Variants in ATAD2B observed in about 807,000 individuals in gnomAD.
The protein encoded by ATAD2B is ATPase family AAA domain containing 2B.
In ATAD2B, 40 loss-of-function variants were observed where a neutral mutation model predicts 167.6. The ratio of observed to expected loss-of-function variants is 0.24; its 90% confidence interval spans 0.19 to 0.31. The LOEUF is 0.31. Among genes scored for constraint, ATAD2B ranks in the 10% least tolerant of loss-of-function variants. ATAD2B has a pLI of 1.00. For synonymous variants in ATAD2B, 579 were observed against 596.5 expected (o/e 0.97, Z 0.43); for missense variants, 1,242 against 1,757.2 (o/e 0.71, Z 5.24).
chr2:23,740,600 G>A, the ATAD2B span, among the ~76,000 whole-genome samples: 2 of 152,080 alleles, frequency 1.3e-5, no homozygotes, highest in South Asian at 4.2e-4. Context: ...ATATCATACT[G>A]AATGGGCAAA....
chr2:23,716,444 G>C, the ATAD2B span, among the ~76,000 whole-genome samples: 14,144 of 151,306 alleles, frequency 0.093, 739 homozygotes, highest in Middle Eastern at 0.17. Flanking sequence ...TTTCATTGTT[G>C]TTGTTGTTGT....
intron 17 of ATAD2B, among the ~76,000 whole-genome samples, chr2:23,813,745 AAAAAT>A (rs897546373): frequency 6.6e-5 from 10 of 152,144 alleles, no homozygotes; most frequent in East Asian, 3.8e-4. Context: ...ACCTTGTCTC[AAAAAT>A]AAAATAAAAT....
intron 8 of ATAD2B, chr2:23,872,540 T>C (rs1026949471): frequency 1.0e-6 from 1 of 952,836 alleles, no homozygotes; most frequent in African/African-American, 1.6e-5. Context: ...TTGAGAGTCC[T>C]TCAGACTCTC....
At chr2:23,693,485 C>T in the ATAD2B span, 2 of 1,551,678 alleles carry the variant, frequency 1.3e-6, no homozygotes, top group Non-Finnish European at 1.7e-6. Context: ...GTGTACGAGA[C>T]AGTCATCAAG....
At chr2:23,919,213 T>C (rs1703530932) in intron 1 of ATAD2B, among the ~76,000 whole-genome samples, 1 of 151,270 alleles carries the variant, frequency 6.6e-6, no homozygotes, top group African/African-American at 2.4e-5. Flanking sequence ...AGATTGTCAA[T>C]GTGAAAATAA....
At chr2:23,894,735 A>C (rs1699970476) in intron 2 of ATAD2B, among the ~76,000 whole-genome samples, 1 of 152,320 alleles carries the variant, frequency 6.6e-6, no homozygotes, top group African/African-American at 2.4e-5. Flanking sequence ...GCAGTACTAA[A>C]GTAACATCAT....
chr2:23,876,841 G>C lies in ATAD2B; in HGVS notation c.902-937C>G, dbSNP rs1303854699. On this transcript the variant is annotated intron_variant, in intron 7 of 27. Transcript: ENST00000238789. ...CCAGCACTTTGGGAGGCCGAGGCAG[G>C]TGGATCACCTGAGGTCAGGAGTTCA... 5.3e-5 allele frequency among the ~76,000 whole-genome samples: 8 copies of C among 151,960 alleles called. No individual in the cohort carries two copies. The East Asian group carries it at 1.5e-3, about 29-fold the overall frequency.
intron 12 of ATAD2B, among the ~76,000 whole-genome samples, chr2:23,861,736 C>A (rs1172216693): frequency 6.6e-6 from 1 of 151,878 alleles, no homozygotes; most frequent in Non-Finnish European, 1.5e-5. Flanking sequence ...CAAGCCAATT[C>A]TTCCTTCATC....
At chr2:23,774,044 A>G (rs544886588) in intron 22 of ATAD2B, among the ~76,000 whole-genome samples, 1 of 152,332 alleles carries the variant, frequency 6.6e-6, no homozygotes, top group African/African-American at 2.4e-5. Flanking sequence ...TATGAAGAAA[A>G]AAAAATCCCA....
rs777041786 is a variant in ATAD2B, at chr2:23,762,338, C to T, written c.3265G>A (p.Val1089Ile). 5.6e-6 allele frequency: 9 copies of T among 1,611,748 alleles called. No homozygotes were observed. The Admixed American group carries it at 1.5e-4, about 27-fold the overall frequency. ...KEARIKRGLS[V>I]TSEQINPHST... Reference sequence around the variant, plus strand: ...TGAGGATTTATTTGTTCTGATGTTACTGATAAGCCTGCAAGCAGAAGATAA... The same window carrying T: ...TGAGGATTTATTTGTTCTGATGTTATTGATAAGCCTGCAAGCAGAAGATAA... The change falls in exon 24 of 28, where the codon GTA becomes ATA. Residue 1089 changes from valine to isoleucine, a missense_variant. Physicochemically the swap from Val to Ile is conservative, Grantham distance 29 (BLOSUM62 3). Around this residue, in one of 9 missense-constraint regions of ATAD2B, gnomAD observed 204 missense variants for 324.0 expected, o/e 0.63. Transcript: ENST00000238789.
At chr2:23,730,701 TACAACATGTCAAAATGTATGGAAC>T in the ATAD2B span, among the ~76,000 whole-genome samples, 8 of 65,186 alleles carry the variant, frequency 1.2e-4, no homozygotes, top group East Asian at 4.5e-4. Context: ...GGAAAGAAAA[TACAACATGTCAAAATGTATGGAAC>T]ACAACATGTC....
At chr2:23,835,177 C>A (rs964311385) in intron 13 of ATAD2B, among the ~76,000 whole-genome samples, 5 of 152,078 alleles carry the variant, frequency 3.3e-5, no homozygotes, top group African/African-American at 7.2e-5. Flanking sequence ...TAAGAGTTGC[C>A]AAATGATCCA....
intron 7 of ATAD2B, among the ~76,000 whole-genome samples, chr2:23,877,067 CAA>C (rs36018928): frequency 1.1e-4 from 12 of 109,100 alleles, no homozygotes; most frequent in Admixed American, 9.3e-5. Flanking sequence ...AACTCCATCT[CAA>C]AAAAAAAAAA....
intron 13 of ATAD2B, among the ~76,000 whole-genome samples, chr2:23,842,044 T>C (rs1348148490): frequency 6.6e-6 from 1 of 152,206 alleles, no homozygotes; most frequent in African/African-American, 2.4e-5. Context: ...CACATCATTA[T>C]ATTTTGTTTT....
chr2:23,896,479 T>C (rs1700169959), intron 1 of ATAD2B, among the ~76,000 whole-genome samples: 1 of 152,212 alleles, frequency 6.6e-6, no homozygotes, highest in Non-Finnish European at 1.5e-5. Flanking sequence ...ATATGTTGTT[T>C]CTTGTTTTTA....
chr2:23,777,309 T>C lies in ATAD2B; in HGVS notation c.3133+5560A>G, dbSNP rs186801409. Reference sequence around the variant, plus strand: ...ATATAGAATAATGCCTGCCACATAGTAGTTATCCGGTAGGCATTATGGATC... The same window carrying C: ...ATATAGAATAATGCCTGCCACATAGCAGTTATCCGGTAGGCATTATGGATC... On this transcript the variant is annotated intron_variant, in intron 22 of 27. Coordinates refer to ENST00000238789, the MANE Select transcript of ATAD2B (RefSeq NM_017552.4). Among the ~76,000 whole-genome samples, 379 of 152,234 alleles carry C rather than the reference T, an allele frequency of 2.5e-3. 8 individuals carry two copies. The highest frequency in any genetic ancestry group is 0.023 in the Admixed American group (355 of 15,288).
chr2:23,862,482 C>T (rs1410354111), intron 12 of ATAD2B, among the ~76,000 whole-genome samples: 1 of 145,584 alleles, frequency 6.9e-6, no homozygotes, highest in Non-Finnish European at 1.5e-5. Flanking sequence ...GTCATAATCG[C>T]TCACTGCAGC....
the ATAD2B span, chr2:23,693,589 G>C: frequency 6.7e-7 from 1 of 1,491,480 alleles, no homozygotes; most frequent in Non-Finnish European, 9.1e-7. Context: ...TGCGGCAATG[G>C]GGTCTGCAGC....
Position 23,782,263 on chromosome 2 carries a change from G to A in ATAD2B, c.3133+606C>T, listed in dbSNP as rs115346295. 7.3e-3 allele frequency among the ~76,000 whole-genome samples: 1,114 copies of A among 152,242 alleles called. 12 individuals carry two copies. The highest frequency in any genetic ancestry group is 0.026 in the African/African-American group (1,073 of 41,536). ...TATACTCTAACCAAAATCACTTAACGCAAGTCCAAATCCTATATGGTTCCC... is the reference window on the plus strand; with the variant it reads ...TATACTCTAACCAAAATCACTTAACACAAGTCCAAATCCTATATGGTTCCC... On this transcript the variant is annotated intron_variant, in intron 22 of 27. Coordinates refer to ENST00000238789, the MANE Select transcript of ATAD2B (RefSeq NM_017552.4).
Sources: gnomAD v4.1 joint callset for allele counts (sites outside exome capture counted in the v4.1 genomes callset) on GRCh38, gnomAD v4.1.1 for gene constraint, gnomAD v4.1.1 regional missense constraint, MANE v1.5 for transcripts, NCBI Gene and HGNC (gene_info 2026-07-23, HGNC 2026-07-21) for gene names.